SYNPO: variants seen among roughly 807,000 people sequenced by gnomAD.
SYNPO encodes synaptopodin.
SYNPO carries 19 observed loss-of-function variants against 49.5 expected under a neutral mutation model. The ratio of observed to expected loss-of-function variants is 0.38; its 90% CI spans 0.27 to 0.56. The LOEUF (loss-of-function observed/expected upper bound fraction) is 0.56. Ranked by LOEUF, SYNPO falls within the 20% of genes least tolerant of loss-of-function variation. The pLI is 0.68. For missense variants in SYNPO, 1,131 were observed against 1,248.3 expected (o/e 0.91, Z 1.42); for synonymous variants, 536 against 548.0 (o/e 0.98, Z 0.31).
chr5:150,621,290 A>G (rs962221819), intron 2 of SYNPO, among the ~76,000 whole-genome samples: 1 of 152,138 alleles, frequency 6.6e-6, no homozygotes, highest in Non-Finnish European at 1.5e-5. Context: ...TCTGTCATCC[A>G]GTTCTGTCCT....
At chr5:150,639,523 T>A (rs1245888699), upstream of SYNPO, among the ~76,000 whole-genome samples, 2 of 152,152 alleles carry the variant, frequency 1.3e-5, no homozygotes, top group Non-Finnish European at 2.9e-5. Context: ...TGGGGAGCTC[T>A]TCAGAAGGAA....
At chr5:150,597,824 G>C (rs933051167), upstream of SYNPO, among the ~76,000 whole-genome samples, 6 of 152,082 alleles carry the variant, frequency 3.9e-5, no homozygotes, top group African/African-American at 1.2e-4. Context: ...TTTTAGTAGA[G>C]ACAGGGTTTC....
At chr5:150,630,619 T>TGGCTG (rs1188403579) in intron 2 of SYNPO, among the ~76,000 whole-genome samples, 1 of 152,200 alleles carries the variant, frequency 6.6e-6, no homozygotes, top group Admixed American at 6.5e-5. Context: ...CCCCCATGCC[T>TGGCTG]GGCTGCCAGG....
exon 2 of SYNPO, chr5:150,618,477 C>A (rs1406419097): frequency 6.4e-7 from 1 of 1,551,558 alleles, no homozygotes; most frequent in East Asian, 2.4e-5. Context: ...GCTCTGGAAG[C>A]CGAGGAGAGC....
chr5:150,602,997 G>GGTGTGTGTGTGTGTGTGTGTGTGT (rs3062133), intron 1 of SYNPO, among the ~76,000 whole-genome samples: 1 of 131,184 alleles, frequency 7.6e-6, no homozygotes, highest in African/African-American at 3.0e-5. Flanking sequence ...GCCACCTTAG[G>GGTGTGTGTGTGTGTGTGTGTGTGT]GTGTGTGTGT....
chr5:150,651,250 A>G (rs1014127780), intron 2 of SYNPO: 3 of 1,002,094 alleles, frequency 3.0e-6, no homozygotes, highest in African/African-American at 1.7e-5. Flanking sequence ...AAGCCACCTC[A>G]GCGCAGTGGA....
At chr5:150,598,232 G>A (rs553409876), upstream of SYNPO, among the ~76,000 whole-genome samples, 12 of 152,244 alleles carry the variant, frequency 7.9e-5, no homozygotes, top group South Asian at 1.5e-3. Flanking sequence ...AAATGTTCAC[G>A]AATGCCAATT....
At chr5:150,633,953 C>G (rs1306812776) in intron 2 of SYNPO, among the ~76,000 whole-genome samples, 1 of 151,738 alleles carries the variant, frequency 6.6e-6, no homozygotes, top group African/African-American at 2.4e-5. Context: ...GAAAACGCAC[C>G]TCTATTAAAA....
At chr5:150,636,086 C>T (rs186960940), upstream of SYNPO, among the ~76,000 whole-genome samples, 12 of 152,250 alleles carry the variant, frequency 7.9e-5, no homozygotes, top group African/African-American at 1.4e-4. Flanking sequence ...TTCCCTTACC[C>T]GAATGCAAGC....
In SYNPO at chr5:150,650,305, T is replaced by C; in HGVS notation, c.2028+2T>C. Reference sequence around the variant, plus strand: ...CGGAACGCCGGGATCGAGGCTCAGGTGTGGAAGCCTTCCTTCTGCTTCAAG... The same window carrying C: ...CGGAACGCCGGGATCGAGGCTCAGGCGTGGAAGCCTTCCTTCTGCTTCAAG... On this transcript the variant is annotated splice_donor_variant, in intron 2 of 2. Coordinates refer to ENST00000307662, the MANE Select transcript of SYNPO (RefSeq NM_007286.6). LOFTEE classifies it high-confidence loss of function. The C allele has an allele frequency of 6.2e-7, 1 of 1,613,978 alleles. No homozygotes were observed. The highest frequency in any genetic ancestry group is 8.5e-7 in the Non-Finnish European group (1 of 1,179,980).
chr5:150,634,188 C>T (rs1757633337), intron 2 of SYNPO, among the ~76,000 whole-genome samples: 1 of 152,118 alleles, frequency 6.6e-6, no homozygotes, highest in Non-Finnish European at 1.5e-5. Context: ...TTCTGTGGTT[C>T]CTCCGGTCTA....
chr5:150,615,390 G>C (rs1415593211), intron 1 of SYNPO: 1 of 152,264 alleles, frequency 6.6e-6, no homozygotes, highest in African/African-American at 2.4e-5. Flanking sequence ...GATAGAGTGA[G>C]GCGAGGCCCC....
chr5:150,640,496 C>T, upstream of SYNPO: 1 of 321,604 alleles, frequency 3.1e-6, no homozygotes, highest in Non-Finnish European at 4.5e-6. Flanking sequence ...CCTCTTGATC[C>T]TCCATGTCCT....
chr5:150,651,210 A>G (rs777900111), intron 2 of SYNPO: 304 of 1,007,552 alleles, frequency 3.0e-4, no homozygotes, highest in Non-Finnish European at 3.6e-4. Flanking sequence ...TTTTGGCTTC[A>G]GATTCAACCA....
Position 150,656,547 on chromosome 5 carries a change from G to GCCA in SYNPO, c.2175_2177dup (p.Pro727dup). ...TGAGCAGCCCCCCGCCGCTGCCGCCGCCACCGCCCATGTCTCCCTCGTGGA... is the reference window on the plus strand; with the variant it reads ...TGAGCAGCCCCCCGCCGCTGCCGCCGCCACCACCGCCCATGTCTCCCTCGTGGA... On this transcript the variant is annotated inframe_insertion, in exon 3 of 3. Transcript: ENST00000307662. The GCCA allele has an allele frequency of 1.3e-6, 2 of 1,527,902 alleles. No individual in the cohort carries two copies. The highest frequency in any genetic ancestry group is 1.2e-5 in the South Asian group (1 of 83,448). The allele number at this position is 1,527,902 out of a possible 1,614,324, so 94.6% of individuals were successfully genotyped here.
intron 2 of SYNPO, chr5:150,652,466 G>A (rs910662870): frequency 6.4e-6 from 6 of 941,392 alleles, no homozygotes; most frequent in Admixed American, 6.2e-5. Flanking sequence ...TGTGTCCTGC[G>A]TGCTGCCTGC....
Position 150,649,942 on chromosome 5 carries a change from G to C in SYNPO, c.1667G>C (p.Arg556Pro), listed in dbSNP as rs769984982. The C allele has an allele frequency of 6.8e-6, 11 of 1,612,136 alleles. No individual in the cohort carries two copies. The African/African-American group carries it at 1.3e-4, about 20-fold the overall frequency. Residue 556 changes from arginine to proline, a missense_variant, in exon 2 of 3, where the codon CGC becomes CCC. Arg to Pro is a moderately radical substitution (Grantham distance 103). Coordinates refer to ENST00000307662, the MANE Select transcript of SYNPO (RefSeq NM_007286.6). Reference protein sequence around the residue: ...HGYLPENGVLRPEPTKQPPYQ... With the variant: ...HGYLPENGVLPPEPTKQPPYQ... ...TACCTGCCTGAGAACGGGGTCCTGC[G>C]CCCAGAGCCCACCAAGCAGCCGCCA...
chr5:150,639,772 T>C (rs1757831929), upstream of SYNPO, among the ~76,000 whole-genome samples: 1 of 152,274 alleles, frequency 6.6e-6, no homozygotes, highest in East Asian at 1.9e-4. Flanking sequence ...TTCATGTTTA[T>C]TCTGCAAGTG....
At chr5:150,612,349 C>T (rs920469975) in intron 1 of SYNPO, among the ~76,000 whole-genome samples, 8 of 152,214 alleles carry the variant, frequency 5.3e-5, no homozygotes, top group Admixed American at 3.9e-4. Flanking sequence ...TGTATTGTTT[C>T]ATTTGATATA....
Sources: gnomAD v4.1 joint callset for allele counts (sites outside exome capture counted in the v4.1 genomes callset) on GRCh38, gnomAD v4.1.1 for gene constraint, MANE v1.5 for transcripts, NCBI Gene and HGNC (gene_info 2026-07-23, HGNC 2026-07-21) for gene names.